The following UBE4B variants were observed in gnomAD, a reference collection of about 807,000 sequenced individuals.
UBE4B encodes ubiquitination factor E4B, also known as ubiquitin conjugation factor E4 B.
Under a neutral mutation model 148.1 loss-of-function variants are expected in UBE4B, and 27 were observed. That is an observed-to-expected ratio of 0.18 (90% CI 0.13 to 0.25). The LOEUF is 0.25. UBE4B is among the 10% of genes least tolerant of loss of function. The probability of loss-of-function intolerance (pLI) is 1.00; values close to 1 mark genes in which losing one functional copy is unlikely to be tolerated. For synonymous variants in UBE4B, 596 were observed against 619.3 expected (o/e 0.96, Z 0.56); for missense variants, 1,170 against 1,662.4 (o/e 0.70, Z 5.15).
At chr1:10,092,142 G>A (rs1451456714) in intron 2 of UBE4B, among the ~76,000 whole-genome samples, 2 of 152,112 alleles carry the variant, frequency 1.3e-5, no homozygotes, top group Admixed American at 1.3e-4. Flanking sequence ...AGGATCCCTT[G>A]AGCCCAGAAG....
At position 10,179,972 on chromosome 1, in the gene UBE4B, A is replaced by G. The variant is rs776242768; in HGVS notation, c.*16A>G. 7 of 1,613,774 alleles carry G rather than the reference A, an allele frequency of 4.3e-6. No individual in the cohort carries two copies. Among genetic ancestry groups the G allele is most frequent in the Non-Finnish European group, 5.9e-6 (7 of 1,179,996 alleles). On this transcript the variant is annotated 3_prime_UTR_variant, in exon 28 of 28. Coordinates refer to ENST00000343090, the MANE Select transcript of UBE4B (RefSeq NM_001105562.3). ...CGATCACTAAACCGTTCCGCCGCCC[A>G]CCCTCTGCTAGACACAGCCAAGGCC... is the stretch of plus-strand genomic sequence containing the variant.
intron 23 of UBE4B, chr1:10,163,311 G>A (rs541230841): frequency 4.6e-5 from 7 of 152,304 alleles, no homozygotes; most frequent in African/African-American, 1.7e-4. Flanking sequence ...GAACAATGCA[G>A]AGAAGATTAC....
At chr1:10,162,672 G>A (rs1462383668) in intron 23 of UBE4B, among the ~76,000 whole-genome samples, 3 of 146,942 alleles carry the variant, frequency 2.0e-5, no homozygotes, top group South Asian at 2.2e-4. Context: ...TGGGGTACAT[G>A]TGCAGGTTTG....
chr1:10,085,853 G>A (rs1295318350), intron 2 of UBE4B, among the ~76,000 whole-genome samples: 1 of 151,740 alleles, frequency 6.6e-6, no homozygotes, highest in East Asian at 1.9e-4. Context: ...ACAGTGGCGC[G>A]ATTTTGCCTC....
intron 1 of UBE4B, chr1:10,059,706 C>G (rs887927248): frequency 1.3e-5 from 2 of 153,024 alleles, no homozygotes; most frequent in African/African-American, 4.8e-5. Flanking sequence ...CCCAGTCTGC[C>G]CCATTCCTCT....
chr1:10,048,896 T>C (rs2101788778), intron 1 of UBE4B, among the ~76,000 whole-genome samples: 1 of 152,330 alleles, frequency 6.6e-6, no homozygotes, highest in East Asian at 1.9e-4. Context: ...GCTTATCTTT[T>C]TCTGTTTTAA....
At chr1:10,107,418 T>G in intron 7 of UBE4B, 1 of 1,253,606 alleles carries the variant, frequency 8.0e-7, no homozygotes, top group South Asian at 1.4e-5. Context: ...GCGTAGATGC[T>G]TAGGAACTAA....
rs866444391 is a variant in UBE4B at position 10,101,300 on chromosome 1, C to T, written c.435+105C>T. On this transcript the variant is annotated intron_variant, in intron 4 of 27. Transcript: ENST00000343090. ...TTGGGGCCACCCGAAATCAGGAAGT[C>T]CTAGGCAGGTGATTATTTTTATTCT... The T allele has an allele frequency of 7.9e-6, 8 of 1,009,352 alleles. No homozygotes were observed. The Middle Eastern group carries it at 8.4e-4, about 107-fold the overall frequency. The allele number at this position is 1,009,352 out of a possible 1,614,324, so 62.5% of individuals were successfully genotyped here. A position where few individuals can be genotyped will look rare whatever the true frequency, so the allele number is the denominator to read the frequency against.
chr1:10,041,855 G>A (rs913681227), intron 1 of UBE4B, among the ~76,000 whole-genome samples: 2 of 151,610 alleles, frequency 1.3e-5, no homozygotes, highest in African/African-American at 2.4e-5. Context: ...TGCCACTACT[G>A]CCCGGCTAAT....
intron 21 of UBE4B, among the ~76,000 whole-genome samples, chr1:10,155,038 G>A (rs1380722621): frequency 2.0e-5 from 3 of 152,104 alleles, no homozygotes; most frequent in South Asian, 2.1e-4. Flanking sequence ...TGTAGTCAGT[G>A]TTCTGGGCCT....
At chr1:10,142,058 A>G (rs1288494803) in intron 17 of UBE4B, among the ~76,000 whole-genome samples, 1 of 147,504 alleles carries the variant, frequency 6.8e-6, no homozygotes, top group African/African-American at 2.6e-5. Flanking sequence ...TTTTTTTTCT[A>G]TAAGCTCCAC....
intron 1 of UBE4B, chr1:10,059,540 T>C (rs1207358752): frequency 5.1e-5 from 11 of 217,220 alleles, no homozygotes; most frequent in Admixed American, 4.5e-4. Flanking sequence ...GGTATTCCCA[T>C]TGTCTATGAA....
chr1:10,080,422 A>C (rs1644659216), intron 2 of UBE4B, among the ~76,000 whole-genome samples: 1 of 151,638 alleles, frequency 6.6e-6, no homozygotes, highest in Non-Finnish European at 1.5e-5. Flanking sequence ...ATCTCAAAAA[A>C]AAAAAAAGAA....
intron 20 of UBE4B, among the ~76,000 whole-genome samples, chr1:10,150,926 T>C (rs10864445): frequency 0.31 from 44,373 of 142,248 alleles, 12,161 homozygotes; most frequent in African/African-American, 0.75. Context: ...TTTTGGGAGG[T>C]CGAGGCGGGC....
chr1:10,149,115 G>A (rs1645929744), intron 19 of UBE4B, 69 bp from the exon 20 acceptor site: 3 of 1,118,268 alleles, frequency 2.7e-6, no homozygotes, highest in Non-Finnish European at 1.3e-6. Flanking sequence ...CGATGGTAAT[G>A]TAATACTCCT....
rs201495094 is a variant in UBE4B at position 10,041,524 on chromosome 1, G to A, written c.24+7830G>A. ...TAATTTTTGTATTTTTAGTAGAGAT[G>A]GGGTTTCTCCAAGTTGGCCAGGCTG... On this transcript the variant is annotated intron_variant, in intron 1 of 27. Transcript: ENST00000343090. 9.2e-5 allele frequency among the ~76,000 whole-genome samples: 14 copies of A among 151,728 alleles called. No homozygotes were observed. The East Asian group carries it at 2.5e-3, about 27-fold the overall frequency.
intron 1 of UBE4B, 117 bp downstream of exon 1, chr1:10,033,811 A>C: frequency 8.8e-7 from 1 of 1,134,858 alleles, no homozygotes; most frequent in Non-Finnish European, 1.2e-6. Flanking sequence ...AACGGAGATG[A>C]TATTTTCCAA....
intron 17 of UBE4B, among the ~76,000 whole-genome samples, chr1:10,141,582 A>C (rs1645783064): frequency 6.6e-6 from 1 of 152,200 alleles, no homozygotes; most frequent in Non-Finnish European, 1.5e-5. Context: ...AACTAGCATA[A>C]CACATTAGCA....
At chr1:10,040,270 C>T (rs1361989648) in intron 1 of UBE4B, among the ~76,000 whole-genome samples, 1 of 151,396 alleles carries the variant, frequency 6.6e-6, no homozygotes, top group East Asian at 2.0e-4. Flanking sequence ...CAGCCATGCC[C>T]AGCTAATTTT....
Sources: gnomAD v4.1 joint callset for allele counts (sites outside exome capture counted in the v4.1 genomes callset) on GRCh38, gnomAD v4.1.1 for gene constraint, MANE v1.5 for transcripts, NCBI Gene and HGNC (gene_info 2026-07-23, HGNC 2026-07-21) for gene names.